Variants in KIF17 observed in about 807,000 individuals in gnomAD.
KIF17 encodes the protein kinesin family member 17.
KIF17 carries 80 observed loss-of-function variants against 96.8 expected under a neutral mutation model. The ratio of observed to expected loss-of-function variants is 0.83; its 90% CI spans 0.69 to 1.00. The LOEUF (loss-of-function observed/expected upper bound fraction) is 1.00. KIF17 is among the 50% of genes least tolerant of loss of function. The pLI is 0.00. For synonymous variants in KIF17, 567 were observed against 587.5 expected (o/e 0.97, Z 0.51); for missense variants, 1,280 against 1,372.9 (o/e 0.93, Z 1.07).
chr1:20,664,448 G>C lies in KIF17; in HGVS notation c.*136C>G. The C allele has an allele frequency of 6.4e-7, 1 of 1,572,054 alleles. No homozygotes were observed. Among genetic ancestry groups the C allele is most frequent in the Non-Finnish European group, 8.6e-7 (1 of 1,162,144 alleles). On this transcript the variant is annotated 3_prime_UTR_variant, in exon 15 of 15. Coordinates refer to ENST00000400463, the MANE Select transcript of KIF17 (RefSeq NM_001122819.3). ...CTCTGGGGAACAGGGAAGGGAATGT[G>C]TCTTCCCAGGGCTGAGGGAGCCCTC... is the stretch of plus-strand genomic sequence containing the variant.
chr1:20,682,967 G>T (rs985367933), intron 10 of KIF17, 83 bp from the exon 11 acceptor site: 3 of 1,241,000 alleles, frequency 2.4e-6, no homozygotes, highest in Non-Finnish European at 3.5e-6. Context: ...CAGGCTATGC[G>T]TGGGCCCCCC....
intron 7 of KIF17, among the ~76,000 whole-genome samples, chr1:20,688,398 C>T (rs1272680291): frequency 2.6e-5 from 4 of 152,314 alleles, no homozygotes; most frequent in Admixed American, 2.0e-4. Flanking sequence ...GCCTCCCAGA[C>T]CCTCCAGAGG....
rs746020893 is a variant in KIF17, at chr1:20,709,852, G to A, written c.481-24C>T. On this transcript the variant is annotated intron_variant, in intron 3 of 14. Coordinates refer to ENST00000400463, the MANE Select transcript of KIF17 (RefSeq NM_001122819.3). The surrounding 1 kb of genome is among the most constrained non-coding windows in gnomAD (Gnocchi z 4.7). ...AGCTGAGGGAGGAGGAACAGTCAGG[G>A]GCGGAACCTCCAGCCGCCAAGGGTT... 3.2e-6 allele frequency: 5 copies of A among 1,582,884 alleles called. No individual in the cohort carries two copies. Among genetic ancestry groups the A allele is most frequent in the East Asian group, 2.3e-5 (1 of 42,868 alleles).
rs2053524931 is a variant in KIF17, at chr1:20,666,248, G to C, written c.2874C>G (p.Ser958Arg). The change falls in exon 14 of 15, where the codon AGC becomes AGG. Residue 958 changes from serine (S) to arginine (R), a missense_variant. Physicochemically the swap from Ser to Arg is moderately radical, Grantham distance 110. Coordinates refer to ENST00000400463, the MANE Select transcript of KIF17 (RefSeq NM_001122819.3). Reference protein sequence around the residue: ...ASNYFRSKRASQILSTDARKS... With the variant: ...ASNYFRSKRARQILSTDARKS... Reference sequence around the variant, plus strand: ...TCCTGGCGTCTGTGCTGAGGATCTGGCTGGCCCGCTTAGATCGGAAGTAGT... The same window carrying C: ...TCCTGGCGTCTGTGCTGAGGATCTGCCTGGCCCGCTTAGATCGGAAGTAGT... 6.2e-7 allele frequency: 1 copy of C among 1,614,018 alleles called. No homozygotes were observed. Among genetic ancestry groups the C allele is most frequent in the Non-Finnish European group, 8.5e-7 (1 of 1,179,972 alleles).
At chr1:20,716,241 C>CAA (rs71585780) in intron 1 of KIF17, among the ~76,000 whole-genome samples, 36,686 of 111,264 alleles carry the variant, frequency 0.33, 5,839 homozygotes, top group Non-Finnish European at 0.4. Context: ...GACTCCGTCT[C>CAA]AAAAAAAAAA....
chr1:20,670,572 C>T, intron 12 of KIF17, 84 bp from the exon 13 acceptor site: 1 of 1,298,526 alleles, frequency 7.7e-7, no homozygotes, highest in South Asian at 1.2e-5. Context: ...GGGGTCAGGC[C>T]TGGCTCAGGC....
Position 20,672,459 on chromosome 1 carries a change from C to T in KIF17, c.2464-263G>A, listed in dbSNP as rs1199682031. Among the ~76,000 whole-genome samples, 1 of 152,120 alleles carries T rather than the reference C, an allele frequency of 6.6e-6. No individual in the cohort carries two copies. Among genetic ancestry groups the T allele is most frequent in the Non-Finnish European group, 1.5e-5 (1 of 68,022 alleles). On this transcript the variant is annotated intron_variant, in intron 11 of 14. Coordinates refer to ENST00000400463, the MANE Select transcript of KIF17 (RefSeq NM_001122819.3). The surrounding 1 kb of genome is among the most constrained non-coding windows in gnomAD (Gnocchi z 4.3). ...GCATTTAAATGAGCACCTAATGTGTCCCCCCAGCCCTGCAAAATGTAGGGG... is the reference window on the plus strand; with the variant it reads ...GCATTTAAATGAGCACCTAATGTGTTCCCCCAGCCCTGCAAAATGTAGGGG...
At chr1:20,693,209 CACTA>C (rs1018422087) in intron 6 of KIF17, 5 of 150,978 alleles carry the variant, frequency 3.3e-5, no homozygotes, top group Non-Finnish European at 5.9e-5. Flanking sequence ...CCCTCAGGGT[CACTA>C]ACTGTTTCCT....
At chr1:20,670,729 G>A (rs931985874) in intron 12 of KIF17, among the ~76,000 whole-genome samples, 4 of 152,210 alleles carry the variant, frequency 2.6e-5, no homozygotes, top group African/African-American at 9.6e-5. Context: ...CAGCAGGCGA[G>A]GGTGGGGACA....
chr1:20,694,971 C>T (rs2054107926), intron 6 of KIF17, among the ~76,000 whole-genome samples: 1 of 152,172 alleles, frequency 6.6e-6, no homozygotes. Flanking sequence ...CAGGCCTCAC[C>T]TTAGCAATAC....
At chr1:20,711,891 T>C (rs1337106401) in intron 3 of KIF17, among the ~76,000 whole-genome samples, 1 of 152,150 alleles carries the variant, frequency 6.6e-6, no homozygotes, top group South Asian at 2.1e-4. Flanking sequence ...CTCAGTTTCC[T>C]CATCTGTTGT....
At chr1:20,696,132 C>T (rs1387623971) in intron 6 of KIF17, among the ~76,000 whole-genome samples, 1 of 152,168 alleles carries the variant, frequency 6.6e-6, no homozygotes. Flanking sequence ...TTGCAGAAGG[C>T]TGGACGGACC....
intron 7 of KIF17, 144 bp downstream of exon 7, chr1:20,690,044 G>T: frequency 1.2e-6 from 1 of 842,634 alleles, no homozygotes; most frequent in Non-Finnish European, 1.9e-6. Flanking sequence ...GCATAATTGT[G>T]GTACCTACCT....
chr1:20,690,124 T>C, intron 7 of KIF17, 64 bp downstream of exon 7: 1 of 1,570,236 alleles, frequency 6.4e-7, no homozygotes, highest in Non-Finnish European at 8.8e-7. Context: ...ATGCAGTTAC[T>C]GCAGTGAGGC....
At position 20,705,955 on chromosome 1, in the gene KIF17, C is replaced by T. The variant is rs2054334570; in HGVS notation, c.671-1056G>A. 3.0e-5 allele frequency among the ~76,000 whole-genome samples: 4 copies of T among 131,894 alleles called. No individual in the cohort carries two copies. The South Asian group carries it at 9.7e-4, about 32-fold the overall frequency. The allele number at this position is 131,894 out of a possible 152,430, so 86.5% of individuals were successfully genotyped here. A position where few individuals can be genotyped will look rare whatever the true frequency, so the allele number is the denominator to read the frequency against. On this transcript the variant is annotated intron_variant, in intron 4 of 14. Transcript: ENST00000400463. Reference sequence around the variant, plus strand: ...ACAGGGTCTCACTCTGTCGCCCAGGCTGGAGTGCAGTGGTGCAATCCTAGC... The same window carrying T: ...ACAGGGTCTCACTCTGTCGCCCAGGTTGGAGTGCAGTGGTGCAATCCTAGC...
intron 11 of KIF17, among the ~76,000 whole-genome samples, chr1:20,679,340 C>T (rs187939564): frequency 3.3e-5 from 5 of 151,972 alleles, no homozygotes; most frequent in South Asian, 2.1e-4. Flanking sequence ...ATTAGCCAGG[C>T]GTGGTGGTGC....
chr1:20,687,275 G>T lies in KIF17; in HGVS notation c.1938+113C>A. 8.2e-7 allele frequency: 1 copy of T among 1,216,798 alleles called. No homozygotes were observed. Among genetic ancestry groups the T allele is most frequent in the Non-Finnish European group, 1.2e-6 (1 of 828,312 alleles). 75.4% of individuals were successfully genotyped at this position (1,216,798 alleles called of 1,614,324 possible). On this transcript the variant is annotated intron_variant, in intron 8 of 14. Transcript: ENST00000400463. This position sits in a 1 kb window ranked among gnomAD's most constrained non-coding sequence, Gnocchi z 4.4. ...GCCGCAGCAGACACAGTGGAGCCACGGCCTGAGTGTCGGAGGCCATGTGTG... is the reference window on the plus strand; with the variant it reads ...GCCGCAGCAGACACAGTGGAGCCACTGCCTGAGTGTCGGAGGCCATGTGTG...
At chr1:20,701,379 G>A (rs897729439) in intron 5 of KIF17, among the ~76,000 whole-genome samples, 3 of 152,022 alleles carry the variant, frequency 2.0e-5, no homozygotes, top group South Asian at 2.1e-4. Flanking sequence ...TGCAGTGAGC[G>A]GAGATCGCGC....
Position 20,709,385 on chromosome 1 carries a change from C to A in KIF17, c.670+254G>T, listed in dbSNP as rs1557604429. 6.6e-6 allele frequency among the ~76,000 whole-genome samples: 1 copy of A among 152,128 alleles called. No individual in the cohort carries two copies. Among genetic ancestry groups the A allele is most frequent in the Non-Finnish European group, 1.5e-5 (1 of 68,026 alleles). On this transcript the variant is annotated intron_variant, in intron 4 of 14. Coordinates refer to ENST00000400463, the MANE Select transcript of KIF17 (RefSeq NM_001122819.3). This position sits in a 1 kb window ranked among gnomAD's most constrained non-coding sequence, Gnocchi z 4.7. The stretch of plus-strand genomic sequence containing the variant: ...CAGGGTGACACTTTGTCTCAAAAAA[C>A]AAATAAATAAATAAAAATTGTCTGG...
Sources: allele counts gnomAD v4.1 joint callset (sites outside exome capture counted in the v4.1 genomes callset), GRCh38; gene constraint gnomAD v4.1.1; non-coding constraint Gnocchi (gnomAD v3.1); transcripts MANE v1.5; gene names NCBI Gene and HGNC (gene_info 2026-07-23, HGNC 2026-07-21).